The following CDIN1 variants were observed in gnomAD, a reference collection of about 807,000 sequenced individuals.
CDIN1 encodes the protein CDAN1-interacting nuclease 1.
In CDIN1, 33 loss-of-function variants were observed where a neutral mutation model predicts 45.3. That is an observed-to-expected ratio of 0.73 (90% CI 0.55 to 0.97). CDIN1 has a LOEUF of 0.97. Ranked by LOEUF, CDIN1 falls within the 50% of genes least tolerant of loss-of-function variation. The pLI is 0.00. For synonymous variants in CDIN1, 118 were observed against 124.4 expected (o/e 0.95, Z 0.34); for missense variants, 303 against 339.4 (o/e 0.89, Z 0.84).
chr15:36,616,858 G>A (rs2038917356), intron 1 of CDIN1, among the ~76,000 whole-genome samples: 1 of 152,110 alleles, frequency 6.6e-6, no homozygotes, highest in African/African-American at 2.4e-5. Context: ...CTGGGAGGCA[G>A]AGGTTGCAGT....
At chr15:36,652,616 C>G (rs757950254) in intron 3 of CDIN1, among the ~76,000 whole-genome samples, 20 of 152,144 alleles carry the variant, frequency 1.3e-4, no homozygotes, top group Non-Finnish European at 2.2e-4. Context: ...TTTCCTCTTG[C>G]TTCTGAACGT....
chr15:36,597,044 C>G (rs1239346576), intron 1 of CDIN1, among the ~76,000 whole-genome samples: 1 of 152,122 alleles, frequency 6.6e-6, no homozygotes, highest in Non-Finnish European at 1.5e-5. Flanking sequence ...TGATTTATTG[C>G]TTAAATTAAT....
intron 10 of CDIN1, chr15:36,804,796 T>TAGAA (rs1297503726): frequency 1.3e-4 from 19 of 142,416 alleles, no homozygotes; most frequent in African/African-American, 4.4e-4. Context: ...CCACAGCCTC[T>TAGAA]AGAGTAGCTA....
At chr15:36,613,617 T>G in intron 1 of CDIN1, 8 of 1,445,726 alleles carry the variant, frequency 5.5e-6, no homozygotes, top group Non-Finnish European at 7.7e-6. Context: ...GAGGCTGAGG[T>G]GGCCTCCTTG....
At chr15:36,632,198 A>G (rs1035267360) in intron 1 of CDIN1, among the ~76,000 whole-genome samples, 11 of 152,232 alleles carry the variant, frequency 7.2e-5, no homozygotes, top group South Asian at 2.1e-4. Flanking sequence ...CCATTTTGCA[A>G]TCTCACCAGC....
chr15:36,598,371 CA>C (rs5811920), intron 1 of CDIN1, among the ~76,000 whole-genome samples: 32,760 of 152,064 alleles, frequency 0.22, 3,862 homozygotes, highest in Admixed American at 0.33. Flanking sequence ...CCATTGGAAA[CA>C]AAAGGTTTTT....
At chr15:36,680,186 A>G (rs1030296406) in intron 5 of CDIN1, among the ~76,000 whole-genome samples, 3 of 152,172 alleles carry the variant, frequency 2.0e-5, no homozygotes, top group African/African-American at 7.2e-5. Context: ...GGCTTCCCAG[A>G]TGCCATAACA....
chr15:36,617,575 A>T (rs1189579052), intron 1 of CDIN1: 5 of 787,516 alleles, frequency 6.3e-6, no homozygotes, highest in African/African-American at 1.7e-5. Context: ...CATGGAAGAA[A>T]TAAAAAAGTT....
At chr15:36,675,375 A>C (rs1004592759) in intron 5 of CDIN1, among the ~76,000 whole-genome samples, 3 of 152,180 alleles carry the variant, frequency 2.0e-5, no homozygotes, top group East Asian at 3.9e-4. Context: ...ACAAAATGCA[A>C]ATCATCTGTT....
intron 10 of CDIN1, among the ~76,000 whole-genome samples, chr15:36,722,789 G>C (rs935381438): frequency 1.2e-4 from 18 of 152,150 alleles, no homozygotes; most frequent in Admixed American, 1.2e-3. Flanking sequence ...CAATTCGCAT[G>C]TCTCGTACTC....
At chr15:36,617,301 G>T in intron 1 of CDIN1, 1 of 1,168,426 alleles carries the variant, frequency 8.6e-7, no homozygotes, top group Non-Finnish European at 1.3e-6. Flanking sequence ...ATGAAGTAAT[G>T]TGTTCTTTGT....
At chr15:36,758,870 A>G (rs2053681042) in intron 10 of CDIN1, among the ~76,000 whole-genome samples, 2 of 152,214 alleles carry the variant, frequency 1.3e-5, no homozygotes, top group Admixed American at 1.3e-4. Context: ...AGTTTCACAA[A>G]TATTGTTAAA....
intron 10 of CDIN1, among the ~76,000 whole-genome samples, chr15:36,750,684 G>A (rs2053436651): frequency 6.6e-6 from 1 of 152,074 alleles, no homozygotes; most frequent in Non-Finnish European, 1.5e-5. Context: ...TCCAAGTAAG[G>A]GCAGTTTTAA....
Position 36,663,212 on chromosome 15 carries a change from T to A in CDIN1, c.346+5307T>A, listed in dbSNP as rs1019519613. Among the ~76,000 whole-genome samples the A allele has an allele frequency of 3.9e-5, 6 of 152,136 alleles. No individual in the cohort carries two copies. The South Asian group carries it at 1.2e-3, about 32-fold the overall frequency. ...TTAGTGGGAATTAAAGTTGGACAAA[T>A]TCAGATGGGGTTATATGATGGAAGA... is the stretch of plus-strand genomic sequence containing the variant. On this transcript the variant is annotated intron_variant, in intron 5 of 10. Coordinates refer to ENST00000566621, the MANE Select transcript of CDIN1 (RefSeq NM_001321759.2).
intron 10 of CDIN1, among the ~76,000 whole-genome samples, chr15:36,744,390 G>A (rs1031273643): frequency 1.1e-4 from 16 of 152,170 alleles, no homozygotes; most frequent in South Asian, 4.1e-4. Context: ...CTCCCTCAGC[G>A]TGGTCTGATT....
At chr15:36,672,618 G>A (rs2041492955) in intron 5 of CDIN1, among the ~76,000 whole-genome samples, 1 of 151,760 alleles carries the variant, frequency 6.6e-6, no homozygotes, top group Non-Finnish European at 1.5e-5. Context: ...ATTTGGTTGG[G>A]GTGGGGGGAG....
chr15:36,658,709 A>T (rs780236437), intron 5 of CDIN1, among the ~76,000 whole-genome samples: 15 of 152,228 alleles, frequency 9.9e-5, no homozygotes, highest in Non-Finnish European at 1.5e-4. Flanking sequence ...AATATGCTTT[A>T]TGCACATAAT....
intron 10 of CDIN1, among the ~76,000 whole-genome samples, chr15:36,723,298 T>C (rs979231198): frequency 1.3e-5 from 2 of 152,122 alleles, no homozygotes; most frequent in African/African-American, 4.8e-5. Flanking sequence ...AAGCCAATTT[T>C]TTTTATTTAG....
At chr15:36,802,755 G>C (rs987531870) in intron 10 of CDIN1, among the ~76,000 whole-genome samples, 2 of 152,078 alleles carry the variant, frequency 1.3e-5, no homozygotes, top group Non-Finnish European at 2.9e-5. Context: ...TTCTCAGAGA[G>C]TTACAGGAAA....
Sources: gnomAD v4.1 joint callset for allele counts (sites outside exome capture counted in the v4.1 genomes callset) on GRCh38, gnomAD v4.1.1 for gene constraint, MANE v1.5 for transcripts, NCBI Gene and HGNC (gene_info 2026-07-23, HGNC 2026-07-21) for gene names.